TRIO: variants seen among roughly 807,000 people sequenced by gnomAD.
TRIO encodes triple functional domain protein.
A neutral mutation model predicts 351.9 loss-of-function variants in TRIO; 58 were observed. The observed-to-expected ratio is 0.16, with a 90% CI of 0.13 to 0.21. TRIO has a LOEUF of 0.21. Among genes scored for constraint, TRIO ranks in the 10% least tolerant of loss-of-function variants. The probability of loss-of-function intolerance (pLI) is 1.00; values close to 1 mark genes in which losing one functional copy is unlikely to be tolerated. For synonymous variants in TRIO, 1,758 were observed against 1,595.7 expected, an observed-to-expected ratio of 1.10 and a Z score of -2.42; for missense variants, 3,201 against 4,027.8, an observed-to-expected ratio of 0.79 and a Z score of 5.56.
intron 34 of TRIO, among the ~76,000 whole-genome samples, chr5:14,443,674 A>C (rs1400142140): frequency 6.6e-6 from 1 of 152,226 alleles, no homozygotes; most frequent in Admixed American, 6.5e-5. Flanking sequence ...CCCCCTGTCC[A>C]AATGTGAACC....
intron 40 of TRIO, among the ~76,000 whole-genome samples, chr5:14,476,605 A>T (rs1022642240): frequency 2.8e-4 from 43 of 152,054 alleles, no homozygotes; most frequent in African/African-American, 1.0e-3. Context: ...CAGCCTGGCC[A>T]ACATGGTGAA....
rs114583647 is a variant in TRIO at position 14,265,534 on chromosome 5, C to T, written c.158-5291C>T. On this transcript the variant is annotated intron_variant, in intron 1 of 56. Transcript: ENST00000344204. The stretch of plus-strand genomic sequence containing the variant: ...ATAATATGCTATATAAAAGCTTTTG[C>T]TCATTGTGAAAATATTTCTAGGGTG... Among the ~76,000 whole-genome samples, 1,241 of 152,186 alleles carry T rather than the reference C, an allele frequency of 8.2e-3. 15 individuals are homozygous for T. The highest frequency in any genetic ancestry group is 0.028 in the African/African-American group (1,163 of 41,502).
rs115301006 is a variant in TRIO at position 14,348,719 on chromosome 5, C to T, written c.2047-9459C>T. On this transcript the variant is annotated intron_variant, in intron 11 of 56. Transcript: ENST00000344204. ...TTTCCTGCATGTTTATGTGTGTGTA[C>T]GCACATGAGCATGTGTTTTTCCTCT... Among the ~76,000 whole-genome samples the T allele has an allele frequency of 6.1e-3, 915 of 149,830 alleles. 11 individuals carry two copies. Among genetic ancestry groups the T allele is most frequent in the African/African-American group, 0.021 (869 of 40,542 alleles).
intron 7 of TRIO, among the ~76,000 whole-genome samples, chr5:14,304,210 C>T (rs1379672818): frequency 1.3e-5 from 2 of 152,140 alleles, no homozygotes; most frequent in Non-Finnish European, 2.9e-5. Context: ...CAGACCTGGG[C>T]AGCAGTCAGT....
At position 14,404,645 on chromosome 5, in the gene TRIO, C is replaced by A. The variant is rs554549004; in HGVS notation, c.4717-1203C>A. On this transcript the variant is annotated intron_variant, in intron 31 of 56. Transcript: ENST00000344204. ...TCTCCCGAGTCCCTTACTTTCCCCCCGCTTTCCCCGGTCACCCTGCCTCCT... is the reference window on the plus strand; with the variant it reads ...TCTCCCGAGTCCCTTACTTTCCCCCAGCTTTCCCCGGTCACCCTGCCTCCT... 5.3e-5 allele frequency among the ~76,000 whole-genome samples: 8 copies of A among 152,248 alleles called. No homozygotes were observed. In the South Asian group the frequency reaches 1.5e-3, roughly 28 times the overall value.
intron 2 of TRIO, among the ~76,000 whole-genome samples, chr5:14,278,204 G>T (rs187125): frequency 0.72 from 109,583 of 152,138 alleles, 40,831 homozygotes; most frequent in East Asian, 0.98. Flanking sequence ...GTGTAGTAGG[G>T]GCTGTCAAAA....
chr5:14,319,569 A>G (rs909616880), intron 9 of TRIO, among the ~76,000 whole-genome samples: 3 of 152,254 alleles, frequency 2.0e-5, no homozygotes, highest in African/African-American at 7.2e-5. Flanking sequence ...ACCGAAATCC[A>G]TAAAAACATA....
chr5:14,233,321 A>AC (rs1171507287), intron 1 of TRIO, among the ~76,000 whole-genome samples: 1 of 148,750 alleles, frequency 6.7e-6, no homozygotes, highest in Non-Finnish European at 1.5e-5. Flanking sequence ...TCTCTTAAAA[A>AC]AAAAAAAAAA....
intron 11 of TRIO, among the ~76,000 whole-genome samples, chr5:14,345,593 C>A (rs1168194427): frequency 1.3e-5 from 2 of 152,218 alleles, no homozygotes; most frequent in Non-Finnish European, 2.9e-5. Context: ...CATAGTCTCA[C>A]TCTGTCACCC....
chr5:14,457,499 G>T (rs1236027746), intron 34 of TRIO, among the ~76,000 whole-genome samples: 2 of 150,728 alleles, frequency 1.3e-5, no homozygotes, highest in East Asian at 3.9e-4. Context: ...AAAGTGCAAA[G>T]AACCAAATCC....
In TRIO at chr5:14,289,857, AT is replaced by A. The variant is rs200129913; in HGVS notation, c.541-858del. ...GAGCAAGACTCCATCTCAAAAAAAA[AT>A]AATAATAATAAATATAAAGATTTCT... On this transcript the variant is annotated intron_variant, in intron 4 of 56. Coordinates refer to ENST00000344204, the MANE Select transcript of TRIO (RefSeq NM_007118.4). 5.2e-3 allele frequency among the ~76,000 whole-genome samples: 789 copies of A among 151,860 alleles called. 9 individuals are homozygous for A. The highest frequency in any genetic ancestry group is 0.018 in the African/African-American group (754 of 41,456).
rs908141474 is a variant in TRIO, at chr5:14,286,590, C to T, written c.348-281C>T. ...AGTCAGGAGAAATGGGCATGGTGACCGTTGTTTTCCTGAAAAGAAGACGGG... is the reference window on the plus strand; with the variant it reads ...AGTCAGGAGAAATGGGCATGGTGACTGTTGTTTTCCTGAAAAGAAGACGGG... On this transcript the variant is annotated intron_variant, in intron 3 of 56. Coordinates refer to ENST00000344204, the MANE Select transcript of TRIO (RefSeq NM_007118.4). The surrounding 1 kb of genome is among the most constrained non-coding windows in gnomAD (Gnocchi z 4.4). Among the ~76,000 whole-genome samples, 6 of 152,094 alleles carry T rather than the reference C, an allele frequency of 3.9e-5. No homozygotes were observed. The highest frequency in any genetic ancestry group is 1.2e-4 in the African/African-American group (5 of 41,406).
At chr5:14,146,021 G>T (rs1787502831) in intron 1 of TRIO, among the ~76,000 whole-genome samples, 1 of 152,186 alleles carries the variant, frequency 6.6e-6, no homozygotes, top group South Asian at 2.1e-4. Context: ...ACTTAAGTAG[G>T]TATCAGATGC....
chr5:14,394,161 T>C (rs1220075770), intron 28 of TRIO, 31 bp downstream of exon 28: 2 of 1,401,686 alleles, frequency 1.4e-6, no homozygotes, highest in Non-Finnish European at 2.0e-6. Context: ...GCCTGTGAAA[T>C]TTTATGAATT....
chr5:14,362,251 T>C (rs1264681084), intron 13 of TRIO, among the ~76,000 whole-genome samples: 1 of 152,264 alleles, frequency 6.6e-6, no homozygotes, highest in Non-Finnish European at 1.5e-5. Context: ...TGCTATAGTA[T>C]TTTAGAGAAA....
rs1453223312 is a variant in TRIO, at chr5:14,502,625, C to T, written c.8379C>T (p.Asp2793=). The change falls in exon 54 of 57, where the codon GAC becomes GAT. Residue 2793 remains aspartate (D), a synonymous_variant. Transcript: ENST00000344204. ...GIMVTWKDNF[D]SFYSEVAELG... is the part of the protein sequence containing the mutation. ...TGGTGACCTGGAAAGACAACTTTGA[C>T]TCCTTCTACAGTGAAGTGGCTGAGC... The T allele has an allele frequency of 1.2e-6, 2 of 1,614,232 alleles. No individual in the cohort carries two copies. The highest frequency in any genetic ancestry group is 1.1e-5 in the South Asian group (1 of 91,086).
At chr5:14,214,793 A>G (rs1358680982) in intron 1 of TRIO, among the ~76,000 whole-genome samples, 1 of 152,164 alleles carries the variant, frequency 6.6e-6, no homozygotes, top group Non-Finnish European at 1.5e-5. Context: ...GTGTGTAGAC[A>G]AGTGTGTGTT....
At position 14,470,444 on chromosome 5, in the gene TRIO, G is replaced by A. The variant is rs73749265; in HGVS notation, c.5764-874G>A. 9.9e-3 allele frequency among the ~76,000 whole-genome samples: 1,499 copies of A among 152,142 alleles called. 17 individuals are homozygous for A. The highest frequency in any genetic ancestry group is 0.034 in the African/African-American group (1,418 of 41,462). On this transcript the variant is annotated intron_variant, in intron 37 of 56. Coordinates refer to ENST00000344204, the MANE Select transcript of TRIO (RefSeq NM_007118.4). The stretch of plus-strand genomic sequence containing the variant: ...TCTATATATCCAGTTTGTTGCTTTG[G>A]GAATGTTAAAAGAACTATAAATCTT...
intron 1 of TRIO, among the ~76,000 whole-genome samples, chr5:14,258,655 G>A (rs1343104031): frequency 1.3e-5 from 2 of 152,104 alleles, no homozygotes; most frequent in Non-Finnish European, 2.9e-5. Flanking sequence ...GAAGAGCTTC[G>A]TCTGCCTCTC....
Sources: gnomAD v4.1 joint callset for allele counts (sites outside exome capture counted in the v4.1 genomes callset) on GRCh38, gnomAD v4.1.1 for gene constraint, Gnocchi (gnomAD v3.1) non-coding constraint, MANE v1.5 for transcripts, NCBI Gene and HGNC (gene_info 2026-07-23, HGNC 2026-07-21) for gene names.